ZNF420: variants seen among roughly 807,000 people sequenced by gnomAD.
ZNF420 encodes the protein zinc finger protein 420, also known as ATM and p53-associated KZNF protein.
Under a neutral mutation model 44.7 loss-of-function variants are expected in ZNF420, and 31 were observed. The observed-to-expected ratio is 0.69, with a 90% CI of 0.52 to 0.94. The LOEUF is 0.94. ZNF420 is among the 40% of genes least tolerant of loss of function. ZNF420 has a pLI of 0.00. For missense variants in ZNF420, 681 were observed against 827.9 expected (o/e 0.82, Z 2.18); for synonymous variants, 245 against 267.4 (o/e 0.92, Z 0.82).
At chr19:37,115,425 A>C (rs911911179) in intron 4 of ZNF420, among the ~76,000 whole-genome samples, 2 of 152,040 alleles carry the variant, frequency 1.3e-5, no homozygotes, top group Non-Finnish European at 2.9e-5. Context: ...GCAGGACCGT[A>C]GGGTAATAGT....
intron 4 of ZNF420, among the ~76,000 whole-genome samples, chr19:37,108,046 AT>A (rs1970190402): frequency 6.6e-6 from 1 of 152,120 alleles, no homozygotes; most frequent in African/African-American, 2.4e-5. Context: ...CCTATCTCCC[AT>A]CCAAATGACA....
upstream of ZNF420, among the ~76,000 whole-genome samples, chr19:37,074,715 G>T (rs1411295839): frequency 6.6e-6 from 1 of 152,082 alleles, no homozygotes; most frequent in African/African-American, 2.4e-5. Context: ...TTCGAGATGC[G>T]TGCTGAAATC....
At chr19:37,050,918 T>C (rs1432699896) in intron 1 of ZNF420, among the ~76,000 whole-genome samples, 1 of 152,074 alleles carries the variant, frequency 6.6e-6, no homozygotes, top group African/African-American at 2.4e-5. Context: ...TTATTGAGAG[T>C]TTTTAGCATG....
chr19:37,035,347 T>A (rs530975001), intron 1 of ZNF420, among the ~76,000 whole-genome samples: 1 of 152,334 alleles, frequency 6.6e-6, no homozygotes, highest in African/African-American at 2.4e-5. Context: ...AATTTTAATA[T>A]GCTCAAGTTT....
intron 4 of ZNF420, among the ~76,000 whole-genome samples, chr19:37,099,742 G>C (rs1969660709): frequency 6.6e-6 from 1 of 152,130 alleles, no homozygotes. Context: ...TCTTGCCTCA[G>C]CCTCCAGAGT....
At chr19:37,018,988 G>A (rs527269987) in intron 1 of ZNF420, among the ~76,000 whole-genome samples, 5 of 152,196 alleles carry the variant, frequency 3.3e-5, no homozygotes, top group African/African-American at 9.6e-5. Flanking sequence ...GATACCAAAT[G>A]TACAGGCATC....
intron 1 of ZNF420, among the ~76,000 whole-genome samples, chr19:37,055,692 A>C (rs1484071320): frequency 6.6e-6 from 1 of 152,212 alleles, no homozygotes; most frequent in Admixed American, 6.5e-5. Context: ...CAACCTTGAC[A>C]AAGCAGGAGC....
At chr19:37,113,713 A>G (rs571491930) in intron 4 of ZNF420, among the ~76,000 whole-genome samples, 1 of 152,264 alleles carries the variant, frequency 6.6e-6, no homozygotes, top group East Asian at 1.9e-4. Context: ...TAACTTGCTC[A>G]GTGGCCTCAT....
At chr19:37,039,852 C>T (rs1008235075) in intron 1 of ZNF420, among the ~76,000 whole-genome samples, 1 of 152,030 alleles carries the variant, frequency 6.6e-6, no homozygotes. Flanking sequence ...AGGCATGCAC[C>T]ACAATACATA....
chr19:37,067,881 T>C (rs1967995220), intron 1 of ZNF420, among the ~76,000 whole-genome samples: 1 of 152,216 alleles, frequency 6.6e-6, no homozygotes, highest in African/African-American at 2.4e-5. Flanking sequence ...ACTTAAGTTA[T>C]CAAAGTCTAA....
chr19:37,019,440 G>T (rs1224827780), intron 1 of ZNF420, among the ~76,000 whole-genome samples: 1 of 152,148 alleles, frequency 6.6e-6, no homozygotes, highest in Non-Finnish European at 1.5e-5. Context: ...ATAGAAAAAG[G>T]TACAGCCACT....
intron 1 of ZNF420, among the ~76,000 whole-genome samples, chr19:37,048,164 C>T (rs989037153): frequency 2.0e-5 from 3 of 151,922 alleles, no homozygotes; most frequent in African/African-American, 7.3e-5. Context: ...AAGAGCAGAC[C>T]TATGTAGAAG....
At chr19:37,109,124 A>G (rs1273727805) in intron 4 of ZNF420, among the ~76,000 whole-genome samples, 1 of 152,136 alleles carries the variant, frequency 6.6e-6, no homozygotes, top group Non-Finnish European at 1.5e-5. Flanking sequence ...CCAATTTTGG[A>G]TTGTAGGCAT....
intron 1 of ZNF420, among the ~76,000 whole-genome samples, chr19:37,011,529 C>T (rs923047222): frequency 1.3e-5 from 2 of 152,074 alleles, no homozygotes; most frequent in Non-Finnish European, 2.9e-5. Context: ...GAGGTTGTGT[C>T]GGGGCTACCT....
At chr19:37,105,106 T>TA (rs1196319824) in intron 4 of ZNF420, among the ~76,000 whole-genome samples, 1 of 152,200 alleles carries the variant, frequency 6.6e-6, no homozygotes, top group Non-Finnish European at 1.5e-5. Flanking sequence ...TGCCTAGGTT[T>TA]TCTTCTAGGG....
intron 1 of ZNF420, among the ~76,000 whole-genome samples, chr19:37,049,548 C>T (rs1029854744): frequency 3.7e-4 from 57 of 152,184 alleles, no homozygotes; most frequent in Non-Finnish European, 7.5e-4. Context: ...CCTTCACCTA[C>T]TTTTTGATGA....
intron 1 of ZNF420, among the ~76,000 whole-genome samples, chr19:37,049,244 G>A (rs1360509309): frequency 6.6e-6 from 1 of 152,172 alleles, no homozygotes; most frequent in Non-Finnish European, 1.5e-5. Context: ...TAATGGGATT[G>A]CTGGGTCAAA....
At chr19:37,126,299 C>T (rs953448592) in intron 4 of ZNF420, among the ~76,000 whole-genome samples, 5 of 151,968 alleles carry the variant, frequency 3.3e-5, no homozygotes, top group African/African-American at 1.2e-4. Flanking sequence ...CAGAGCAGTC[C>T]AAAGAAATGG....
chr19:37,037,447 TCCCCTGTGCTG>T (rs1424683756), intron 1 of ZNF420, among the ~76,000 whole-genome samples: 2 of 152,162 alleles, frequency 1.3e-5, no homozygotes, highest in Non-Finnish European at 2.9e-5. Context: ...AGCGCAGGCT[TCCCCTGTGCTG>T]CCAGTAAACT....
Sources: allele counts gnomAD v4.1 joint callset (sites outside exome capture counted in the v4.1 genomes callset), GRCh38; gene constraint gnomAD v4.1.1; transcripts MANE v1.5; gene names NCBI Gene and HGNC (gene_info 2026-07-23, HGNC 2026-07-21).